TAF4: variants seen among roughly 807,000 people sequenced by gnomAD.
The protein encoded by TAF4 is TATA-box binding protein associated factor 4.
TAF4 carries 9 observed loss-of-function variants against 90.3 expected under a neutral mutation model. The ratio of observed to expected loss-of-function variants is 0.10; its 90% CI spans 0.06 to 0.17. The LOEUF (loss-of-function observed/expected upper bound fraction) is 0.17, where lower values mean the gene tolerates loss of function less well. Ranked by LOEUF, TAF4 falls within the 10% of genes least tolerant of loss-of-function variation. TAF4 has a pLI of 1.00. For missense variants in TAF4, 1,351 were observed against 1,370.7 expected, an observed-to-expected ratio of 0.99 and a Z score of 0.23; for synonymous variants, 818 against 638.9, an observed-to-expected ratio of 1.28 and a Z score of -4.23.
chr20:62,062,986 C>T (rs575214336), intron 1 of TAF4, among the ~76,000 whole-genome samples: 1 of 152,336 alleles, frequency 6.6e-6, no homozygotes, highest in African/African-American at 2.4e-5. Flanking sequence ...CATCTTTTTA[C>T]AACGTTACTA....
chr20:62,050,352 C>G (rs537255661), intron 1 of TAF4, among the ~76,000 whole-genome samples: 3 of 152,276 alleles, frequency 2.0e-5, no homozygotes, highest in African/African-American at 4.8e-5. Flanking sequence ...CCAGTCTGGA[C>G]CTGGGCACAG....
intron 1 of TAF4, among the ~76,000 whole-genome samples, chr20:62,027,428 C>T (rs748502245): frequency 3.3e-5 from 5 of 152,198 alleles, no homozygotes; most frequent in Non-Finnish European, 5.9e-5. Context: ...CATTCCCTAA[C>T]GTCTGTCTCC....
At chr20:61,977,794 G>GT (rs1305789599) in intron 14 of TAF4, among the ~76,000 whole-genome samples, 7 of 152,226 alleles carry the variant, frequency 4.6e-5, no homozygotes, top group Non-Finnish European at 8.8e-5. Flanking sequence ...GGCGAGGTGA[G>GT]TGACAGTTTG....
At position 62,009,187 on chromosome 20, in the gene TAF4, A is replaced by AT; in HGVS notation, c.1762-14_1762-13insA. ...TTTCCATAGTTTCCTGGATTAAAGT[A>AT]AAAAGATATAAGTGAAAAATCTTAA... On this transcript the variant is annotated splice_polypyrimidine_tract_variant and intron_variant, in intron 4 of 14. Transcript: ENST00000252996. 1 of 1,598,392 alleles carries AT rather than the reference A, an allele frequency of 6.3e-7. No homozygotes were observed.
intron 1 of TAF4, among the ~76,000 whole-genome samples, chr20:62,047,197 G>A (rs1176117628): frequency 2.6e-5 from 4 of 152,070 alleles, no homozygotes; most frequent in Non-Finnish European, 5.9e-5. Flanking sequence ...CTTTTCAGAA[G>A]GACAACTTCA....
At chr20:62,040,052 G>C (rs2055955099) in intron 1 of TAF4, among the ~76,000 whole-genome samples, 1 of 152,176 alleles carries the variant, frequency 6.6e-6, no homozygotes, top group Admixed American at 6.5e-5. Context: ...ATGCAAAACA[G>C]GACAGCCACT....
chr20:61,976,847 A>G (rs534497912), intron 14 of TAF4, among the ~76,000 whole-genome samples: 2 of 152,238 alleles, frequency 1.3e-5, no homozygotes, highest in African/African-American at 4.8e-5. Context: ...TCCCACAGTG[A>G]TCCCTGAGCC....
chr20:61,983,759 A>C (rs2055564843), intron 14 of TAF4, among the ~76,000 whole-genome samples: 1 of 152,188 alleles, frequency 6.6e-6, no homozygotes, highest in African/African-American at 2.4e-5. Flanking sequence ...GGCTTAACTC[A>C]CCTATTAAAA....
intron 2 of TAF4, among the ~76,000 whole-genome samples, chr20:62,014,019 GGTGTGTGT>G (rs56759835): frequency 0.16 from 20,323 of 126,384 alleles, 1,763 homozygotes; most frequent in Middle Eastern, 0.22. Flanking sequence ...CGGGGGTGTG[GGTGTGTGT>G]GTGTGTGTGT....
chr20:62,001,109 C>A (rs908958167), intron 9 of TAF4, among the ~76,000 whole-genome samples: 14 of 152,186 alleles, frequency 9.2e-5, no homozygotes, highest in African/African-American at 3.4e-4. Flanking sequence ...AAGAAGAGTA[C>A]GCACAATTTT....
At chr20:61,980,330 G>A (rs2055532129) in intron 14 of TAF4, 1 of 152,264 alleles carries the variant, frequency 6.6e-6, no homozygotes, top group African/African-American at 2.4e-5. Flanking sequence ...GCACCTGGGG[G>A]CTGTCCGGGA....
intron 1 of TAF4, among the ~76,000 whole-genome samples, chr20:62,048,583 C>T (rs974857270): frequency 1.5e-4 from 23 of 152,068 alleles, no homozygotes; most frequent in Admixed American, 2.6e-4. Context: ...TAAGCAGGAT[C>T]GTCTCCCCAC....
Position 62,056,689 on chromosome 20 carries a change from C to T in TAF4, c.1360+7762G>A, listed in dbSNP as rs530932102. Among the ~76,000 whole-genome samples, 11 of 152,226 alleles carry T rather than the reference C, an allele frequency of 7.2e-5. No individual in the cohort carries two copies. The South Asian group carries it at 2.3e-3, about 32-fold the overall frequency. On this transcript the variant is annotated intron_variant, in intron 1 of 14. Transcript: ENST00000252996. ...ACAGAAAAACACAGAAGCAGATATG[C>T]AGCAGACACAGGCTGAAGTGAGACA... is the stretch of plus-strand genomic sequence containing the variant.
rs76845066 is a variant in TAF4 at position 62,056,889 on chromosome 20, G to A, written c.1360+7562C>T. Among the ~76,000 whole-genome samples, 33 of 152,024 alleles carry A rather than the reference G, an allele frequency of 2.2e-4. No homozygotes were observed. In the East Asian group the frequency reaches 4.2e-3, roughly 20 times the overall value. On this transcript the variant is annotated intron_variant, in intron 1 of 14. Transcript: ENST00000252996. The stretch of plus-strand genomic sequence containing the variant: ...TTACAGTTACATAAAAAAGCCAATC[G>A]AGCCTGCTTCCCGTGTCACCCTTGT...
At chr20:62,057,395 C>T (rs1463836840) in intron 1 of TAF4, among the ~76,000 whole-genome samples, 1 of 152,238 alleles carries the variant, frequency 6.6e-6, no homozygotes, top group Admixed American at 6.5e-5. Flanking sequence ...GCAGGGCCCT[C>T]ATTCTAAAAC....
intron 1 of TAF4, among the ~76,000 whole-genome samples, chr20:62,063,503 C>T (rs1273981620): frequency 1.3e-5 from 2 of 152,176 alleles, no homozygotes; most frequent in East Asian, 1.9e-4. Flanking sequence ...GCAATCTTTC[C>T]TGTCAAACTT....
intron 1 of TAF4, among the ~76,000 whole-genome samples, chr20:62,022,259 A>G (rs1215488143): frequency 6.6e-6 from 1 of 152,062 alleles, no homozygotes; most frequent in African/African-American, 2.4e-5. Context: ...CTCACTCTTC[A>G]CCCAAGCATG....
chr20:62,048,938 G>A (rs1021531301), intron 1 of TAF4, among the ~76,000 whole-genome samples: 3 of 57,546 alleles, frequency 5.2e-5, no homozygotes, highest in Non-Finnish European at 9.6e-5. Flanking sequence ...CCATCGTCCC[G>A]CGGCCCTCTC....
chr20:62,024,857 G>A (rs2055865852), intron 1 of TAF4, among the ~76,000 whole-genome samples: 1 of 151,494 alleles, frequency 6.6e-6, no homozygotes, highest in Non-Finnish European at 1.5e-5. Context: ...GCAACACTGA[G>A]AGACTCCGCG....
Sources: allele counts gnomAD v4.1 joint callset (sites outside exome capture counted in the v4.1 genomes callset), GRCh38; gene constraint gnomAD v4.1.1; transcripts MANE v1.5; gene names NCBI Gene and HGNC (gene_info 2026-07-23, HGNC 2026-07-21).